Variants in GRB14 observed in about 807,000 individuals in gnomAD.
GRB14 encodes the protein growth factor receptor-bound protein 14.
In GRB14, 38 loss-of-function variants were observed where a neutral mutation model predicts 69.1. That is an observed-to-expected ratio of 0.55 (90% CI 0.42 to 0.72). GRB14 has a LOEUF of 0.72. Ranked by LOEUF, GRB14 falls within the 30% of genes least tolerant of loss-of-function variation. The probability of loss-of-function intolerance (pLI) is 0.00; values close to 1 mark genes in which losing one functional copy is unlikely to be tolerated. For missense variants in GRB14, 666 were observed against 666.1 expected (o/e 1.00, Z 0.00); for synonymous variants, 247 against 241.3 (o/e 1.02, Z -0.22).
At chr2:164,555,207 G>T (rs1319585709) in intron 2 of GRB14, among the ~76,000 whole-genome samples, 1 of 152,216 alleles carries the variant, frequency 6.6e-6, no homozygotes, top group Non-Finnish European at 1.5e-5. Flanking sequence ...GGGATAGCCA[G>T]ATCCTTTTCA....
At chr2:164,577,537 C>T (rs139601547) in intron 2 of GRB14, among the ~76,000 whole-genome samples, 1 of 152,312 alleles carries the variant, frequency 6.6e-6, no homozygotes, top group East Asian at 1.9e-4. Flanking sequence ...ACCCTTCTGC[C>T]GTGATTTTAA....
At chr2:164,530,801 G>A (rs1687911406) in intron 3 of GRB14, among the ~76,000 whole-genome samples, 1 of 152,138 alleles carries the variant, frequency 6.6e-6, no homozygotes, top group Non-Finnish European at 1.5e-5. Flanking sequence ...TCTATAGTAA[G>A]GGCTAGGCTT....
rs1016252988 is a variant in GRB14 at position 164,547,821 on chromosome 2, G to A, written c.325-5C>T. 6.3e-7 allele frequency: 1 copy of A among 1,588,554 alleles called. No individual in the cohort carries two copies. Among genetic ancestry groups the A allele is most frequent in the Non-Finnish European group, 8.6e-7 (1 of 1,165,116 alleles). On this transcript the variant is annotated splice_polypyrimidine_tract_variant and splice_region_variant and intron_variant, in intron 2 of 13. Coordinates refer to ENST00000263915, the MANE Select transcript of GRB14 (RefSeq NM_004490.3). ...TTCACTGTATACTTTAATCACCTGT[G>A]TAGGTAGAAACAAGAAAAAGACCTA...
rs1690450955 is a variant in GRB14, at chr2:164,621,163, C to T, written c.147G>A (p.Ala49=). Residue 49 remains alanine (A), a synonymous_variant, in exon 1 of 14, where the codon GCG becomes GCA. Coordinates refer to ENST00000263915, the MANE Select transcript of GRB14 (RefSeq NM_004490.3). This position sits in a 1 kb window ranked among gnomAD's most constrained non-coding sequence, Gnocchi z 6.0. The part of the protein sequence containing the change: ...LAPAPWLHAR[A]LLPLPDGTRG... The stretch of plus-strand genomic sequence containing the variant: ...GGGTCCCGTCCGGAAGGGGCAGGAG[C>T]GCTCGCGCGTGCAGCCAGGGGGCCG... The T allele has an allele frequency of 3.2e-6, 4 of 1,244,822 alleles. No homozygotes were observed. The highest frequency in any genetic ancestry group is 4.0e-6 in the Non-Finnish European group (4 of 988,138). The allele number at this position is 1,244,822 out of a possible 1,614,324, so 77.1% of individuals were successfully genotyped here.
intron 3 of GRB14, among the ~76,000 whole-genome samples, chr2:164,534,764 A>T (rs1274689898): frequency 6.6e-6 from 1 of 152,174 alleles, no homozygotes; most frequent in Non-Finnish European, 1.5e-5. Context: ...TGAATTCTAC[A>T]ACTAGGGGCT....
At chr2:164,528,723 C>T (rs540349614) in intron 3 of GRB14, among the ~76,000 whole-genome samples, 1 of 152,212 alleles carries the variant, frequency 6.6e-6, no homozygotes, top group South Asian at 2.1e-4. Flanking sequence ...TTAATCCATT[C>T]TCACCTCTTC....
chr2:164,493,311 T>C (rs780858689), intron 13 of GRB14, 129 bp from the exon 14 acceptor site: 8 of 743,994 alleles, frequency 1.1e-5, no homozygotes, highest in Middle Eastern at 5.0e-4. Flanking sequence ...GTGAAAAGAA[T>C]GTTACGGCAT....
intron 4 of GRB14, among the ~76,000 whole-genome samples, 153 bp from the exon 5 acceptor site, chr2:164,525,231 C>T (rs1016548247): frequency 6.6e-6 from 1 of 152,106 alleles, no homozygotes; most frequent in Non-Finnish European, 1.5e-5. Flanking sequence ...TTAGACTCTA[C>T]TCATAGGTAC....
At chr2:164,620,891 C>T (rs765085072) in intron 1 of GRB14, among the ~76,000 whole-genome samples, 1 of 152,166 alleles carries the variant, frequency 6.6e-6, no homozygotes, top group Non-Finnish European at 1.5e-5. Context: ...TGGGCAGAGG[C>T]GAGAGAGATG....
intron 2 of GRB14, among the ~76,000 whole-genome samples, chr2:164,577,099 GAAGA>G (rs1215537725): frequency 6.6e-6 from 1 of 152,136 alleles, no homozygotes; most frequent in African/African-American, 2.4e-5. Flanking sequence ...AATTGCTATA[GAAGA>G]AAGACAGTTG....
rs1574366266 is a variant in GRB14, at chr2:164,621,479, C to G, written c.-170G>C. 6.7e-6 allele frequency: 1 copy of G among 148,610 alleles called. No individual in the cohort carries two copies. Among genetic ancestry groups the G allele is most frequent in the South Asian group, 2.5e-4 (1 of 4,056 alleles). 9.2% of individuals were successfully genotyped at this position (148,610 alleles called of 1,614,324 possible). Reference sequence around the variant, plus strand: ...CGGCTGAGACGCGCGGCCGAGCTATCTGCGAGGCGGCGGGGGAGGGGAGGG... The same window carrying G: ...CGGCTGAGACGCGCGGCCGAGCTATGTGCGAGGCGGCGGGGGAGGGGAGGG... On this transcript the variant is annotated 5_prime_UTR_variant, in exon 1 of 14. Transcript: ENST00000263915. The surrounding 1 kb of genome is among the most constrained non-coding windows in gnomAD (Gnocchi z 6.0).
rs1376942616 is a variant in GRB14 at position 164,547,742 on chromosome 2, A to G, written c.399T>C (p.Val133=). The change falls in exon 3 of 14, where the codon GTT becomes GTC. Residue 133 remains valine (V), a synonymous_variant. Transcript: ENST00000263915. Reference sequence around the variant, plus strand: ...GATTCTTCAGGATCAACAGCTGACAAACATCTCGAGCCGTTATGTCACTGG... The same window carrying G: ...GATTCTTCAGGATCAACAGCTGACAGACATCTCGAGCCGTTATGTCACTGG... ...DVPSDITARD[V]CQLLILKNHY... is the part of the protein sequence containing the mutation. 1.2e-6 allele frequency: 2 copies of G among 1,613,804 alleles called. No homozygotes were observed. The highest frequency in any genetic ancestry group is 2.2e-5 in the South Asian group (2 of 91,064).
At chr2:164,585,430 T>C (rs1322849759) in intron 2 of GRB14, among the ~76,000 whole-genome samples, 1 of 152,182 alleles carries the variant, frequency 6.6e-6, no homozygotes, top group Non-Finnish European at 1.5e-5. Flanking sequence ...TTTTTCTTTA[T>C]ATAAACTTCT....
At chr2:164,563,610 C>T (rs898004240) in intron 2 of GRB14, among the ~76,000 whole-genome samples, 1 of 152,192 alleles carries the variant, frequency 6.6e-6, no homozygotes, top group East Asian at 1.9e-4. Context: ...AAAGGACCCA[C>T]ACTAGAGAAG....
intron 2 of GRB14, among the ~76,000 whole-genome samples, chr2:164,586,859 G>T (rs1689550975): frequency 6.6e-6 from 1 of 152,146 alleles, no homozygotes; most frequent in Admixed American, 6.6e-5. Context: ...TGCAATTGAT[G>T]ATCAAAGATG....
chr2:164,616,489 A>G (rs1368663504), intron 2 of GRB14, among the ~76,000 whole-genome samples: 1 of 151,976 alleles, frequency 6.6e-6, no homozygotes, highest in Non-Finnish European at 1.5e-5. Flanking sequence ...TCATTTAAAA[A>G]TAATGGTACT....
rs943626457 is a variant in GRB14 at position 164,568,242 on chromosome 2, A to G, written c.325-20426T>C. On this transcript the variant is annotated intron_variant, in intron 2 of 13. Transcript: ENST00000263915. Reference sequence around the variant, plus strand: ...TGTAAGTAAAGCTTCCTATGTATTAATAAACACACAGTAACAGGGGAAAAA... The same window carrying G: ...TGTAAGTAAAGCTTCCTATGTATTAGTAAACACACAGTAACAGGGGAAAAA... 4.3e-6 allele frequency: 4 copies of G among 922,304 alleles called. No individual in the cohort carries two copies. In the Admixed American group the frequency reaches 9.9e-5, roughly 23 times the overall value. The allele number at this position is 922,304 out of a possible 1,614,324, so 57.1% of individuals were successfully genotyped here.
intron 2 of GRB14, among the ~76,000 whole-genome samples, chr2:164,607,595 T>C (rs1229083699): frequency 6.6e-6 from 1 of 152,202 alleles, no homozygotes. Flanking sequence ...TAATAATCTG[T>C]TAACCAGCAA....
At chr2:164,616,351 A>G (rs548208147) in intron 2 of GRB14, among the ~76,000 whole-genome samples, 2 of 147,366 alleles carry the variant, frequency 1.4e-5, no homozygotes, top group South Asian at 2.2e-4. Flanking sequence ...GCATGAACCC[A>G]GGAGGCAGAG....
Sources: gnomAD v4.1 joint callset for allele counts (sites outside exome capture counted in the v4.1 genomes callset) on GRCh38, gnomAD v4.1.1 for gene constraint, Gnocchi (gnomAD v3.1) non-coding constraint, MANE v1.5 for transcripts, NCBI Gene and HGNC (gene_info 2026-07-23, HGNC 2026-07-21) for gene names.